FBXO34: variants seen among roughly 807,000 people sequenced by gnomAD.
The protein encoded by FBXO34 is F-box only protein 34.
In FBXO34, 12 loss-of-function variants were observed where a neutral mutation model predicts 24.5. The observed-to-expected ratio is 0.49, with a 90% CI of 0.31 to 0.79. FBXO34 has a LOEUF of 0.79. Ranked by LOEUF, FBXO34 falls within the 30% of genes least tolerant of loss-of-function variation. The probability of loss-of-function intolerance (pLI) is 0.04; values close to 1 mark genes in which losing one functional copy is unlikely to be tolerated. For synonymous variants in FBXO34, 320 were observed against 311.9 expected (o/e 1.03, Z -0.27); for missense variants, 823 against 857.7 (o/e 0.96, Z 0.51).
downstream of FBXO34, chr14:55,369,559 A>G (rs554830379): frequency 1.8e-5 from 24 of 1,363,848 alleles, no homozygotes; most frequent in African/African-American, 2.7e-4. Context: ...AATGTTTACT[A>G]GAGTGTAGTG....
chr14:55,310,001 T>C (rs527520292), intron 1 of FBXO34, among the ~76,000 whole-genome samples: 1 of 152,198 alleles, frequency 6.6e-6, no homozygotes, highest in Non-Finnish European at 1.5e-5. Flanking sequence ...GGAGAAGACT[T>C]AGTCACAGGC....
chr14:55,340,743 A>G (rs1221291548), intron 1 of FBXO34, among the ~76,000 whole-genome samples: 1 of 151,958 alleles, frequency 6.6e-6, no homozygotes, highest in Non-Finnish European at 1.5e-5. Flanking sequence ...TTGCATTTAT[A>G]CTCTAGAATT....
At chr14:55,426,140 G>C in the FBXO34 span, among the ~76,000 whole-genome samples, 1 of 151,862 alleles carries the variant, frequency 6.6e-6, no homozygotes, top group Non-Finnish European at 1.5e-5. Flanking sequence ...GGTGGTGGGT[G>C]CCTATAATAC....
At chr14:55,435,988 A>G in the FBXO34 span, 1 of 1,172,864 alleles carries the variant, frequency 8.5e-7, no homozygotes, top group Middle Eastern at 2.1e-4. Flanking sequence ...AGTAAAAAAA[A>G]AAAAAGACAA....
intron 1 of FBXO34, among the ~76,000 whole-genome samples, chr14:55,274,509 ATTATT>A (rs1881269475): frequency 6.6e-6 from 1 of 152,174 alleles, no homozygotes; most frequent in South Asian, 2.1e-4. Context: ...AGATTGGTTT[ATTATT>A]TTAAGTCATT....
intron 1 of FBXO34, among the ~76,000 whole-genome samples, chr14:55,304,547 C>G (rs1882474924): frequency 6.6e-6 from 1 of 152,118 alleles, no homozygotes; most frequent in Non-Finnish European, 1.5e-5. Context: ...GTCACTCAGG[C>G]TGGAGTGCAG....
At chr14:55,361,579 C>CT (rs1884595933) in intron 3 of FBXO34, among the ~76,000 whole-genome samples, 1 of 152,282 alleles carries the variant, frequency 6.6e-6, no homozygotes, top group African/African-American at 2.4e-5. Flanking sequence ...TGGCTTCTCT[C>CT]TAAGTTGTGA....
intron 1 of FBXO34, chr14:55,298,548 C>T (rs931538948): frequency 4.7e-6 from 3 of 635,118 alleles, no homozygotes; most frequent in Non-Finnish European, 8.4e-6. Context: ...TTCTTGTCCT[C>T]ATCTTTGAAA....
chr14:55,350,782 G>T lies in FBXO34; in HGVS notation c.392G>T (p.Arg131Met), dbSNP rs769245820. 23 of 1,606,920 alleles carry T rather than the reference G, an allele frequency of 1.4e-5. No homozygotes were observed. The African/African-American group carries it at 3.0e-4, about 21-fold the overall frequency. The change falls in exon 2 of 2, where the codon AGG (arginine) becomes ATG (methionine). Residue 131 changes from arginine to methionine, a missense_variant. Physicochemically the swap from Arg to Met is moderately conservative, Grantham distance 91. Transcript: ENST00000313833. Reference sequence around the variant, plus strand: ...TTTGCATCCCACCAGTGTAGTAACAGGATAGGATCTATGAAAATAAAAAGT... The same window carrying T: ...TTTGCATCCCACCAGTGTAGTAACATGATAGGATCTATGAAAATAAAAAGT... ...AFFASHQCSNRIGSMKIKSSW... is the reference protein window; with the variant it reads ...AFFASHQCSNMIGSMKIKSSW...
chr14:55,420,930 A>G, the FBXO34 span, among the ~76,000 whole-genome samples: 1 of 151,872 alleles, frequency 6.6e-6, no homozygotes, highest in Non-Finnish European at 1.5e-5. Flanking sequence ...GCATAGTGGC[A>G]GGTGCCTGTA....
chr14:55,345,716 G>A (rs1395611091), intron 1 of FBXO34, among the ~76,000 whole-genome samples: 1 of 152,162 alleles, frequency 6.6e-6, no homozygotes, highest in Non-Finnish European at 1.5e-5. Context: ...TAATAAACAG[G>A]TAGGGCTGGG....
chr14:55,413,550 C>A, the FBXO34 span: 2 of 409,534 alleles, frequency 4.9e-6, no homozygotes, highest in South Asian at 2.3e-5. Context: ...TTTTTTTTGA[C>A]ACCTATTATG....
the FBXO34 span, among the ~76,000 whole-genome samples, chr14:55,441,752 C>T: frequency 6.0e-4 from 92 of 152,142 alleles, 1 homozygote; most frequent in African/African-American, 2.1e-3. Flanking sequence ...ACTTTATAAA[C>T]ATAATTGATA....
intron 1 of FBXO34, among the ~76,000 whole-genome samples, chr14:55,316,127 T>C (rs1882919200): frequency 6.6e-6 from 1 of 152,166 alleles, no homozygotes; most frequent in Non-Finnish European, 1.5e-5. Flanking sequence ...AGCATACTGC[T>C]CTTCTTATTT....
chr14:55,380,745 A>G, the FBXO34 span: 1 of 1,203,484 alleles, frequency 8.3e-7, no homozygotes, highest in South Asian at 1.3e-5. Flanking sequence ...CAAAACTACT[A>G]ATAATCCACG....
At chr14:55,277,955 A>G (rs72715750) in intron 1 of FBXO34, among the ~76,000 whole-genome samples, 1,701 of 152,306 alleles carry the variant, frequency 0.011, 15 homozygotes, top group Middle Eastern at 0.027. Flanking sequence ...GGCTGAATCA[A>G]CAGATTAGTC....
chr14:55,307,168 A>G (rs530340909), intron 1 of FBXO34, among the ~76,000 whole-genome samples: 69 of 152,338 alleles, frequency 4.5e-4, no homozygotes, highest in Non-Finnish European at 7.9e-4. Context: ...TTATGGCTAC[A>G]AATAAAAGGG....
chr14:55,427,259 T>C, the FBXO34 span, among the ~76,000 whole-genome samples: 1 of 134,448 alleles, frequency 7.4e-6, no homozygotes. Context: ...AAATGGGGTA[T>C]ATTTAGGCAT....
intron 1 of FBXO34, among the ~76,000 whole-genome samples, chr14:55,340,537 A>AC (rs1024095359): frequency 6.6e-6 from 1 of 151,864 alleles, no homozygotes; most frequent in African/African-American, 2.4e-5. Context: ...GTGAGCCACC[A>AC]TGCCTGGCTG....
Sources: allele counts gnomAD v4.1 joint callset (sites outside exome capture counted in the v4.1 genomes callset), GRCh38; gene constraint gnomAD v4.1.1; transcripts MANE v1.5; gene names NCBI Gene and HGNC (gene_info 2026-07-23, HGNC 2026-07-21).